The following SLIT2 variants were observed in gnomAD, a reference collection of about 807,000 sequenced individuals.
SLIT2 encodes the protein slit homolog 2 protein.
Under a neutral mutation model 185.7 loss-of-function variants are expected in SLIT2, and 41 were observed. The ratio of observed to expected loss-of-function variants is 0.22; its 90% CI spans 0.17 to 0.29. The LOEUF is 0.29. Among genes scored for constraint, SLIT2 ranks in the 10% least tolerant of loss-of-function variants. The pLI is 1.00. For synonymous variants in SLIT2, 693 were observed against 680.2 expected (o/e 1.02, Z -0.29); for missense variants, 1,571 against 1,909.0 (o/e 0.82, Z 3.30).
At position 20,589,720 on chromosome 4, in the gene SLIT2, A is replaced by C. The variant is rs1357972967; in HGVS notation, c.3165A>C (p.Leu1055=). ...GCCAGCACGATTCAAAGTGCATCCT[A>C]ACTCCAAAGGGATTCAAGTAAGTCA... The part of the protein sequence containing the change: ...NPCQHDSKCI[L]TPKGFKCDCT... Residue 1055 remains leucine (L), a synonymous_variant, in exon 30 of 37, where the codon CTA becomes CTC. Coordinates refer to ENST00000504154, the MANE Select transcript of SLIT2 (RefSeq NM_004787.4). 2 of 1,613,430 alleles carry C rather than the reference A, an allele frequency of 1.2e-6. No homozygotes were observed. The highest frequency in any genetic ancestry group is 2.2e-5 in the South Asian group (2 of 90,928).
chr4:20,296,929 A>G (rs1305902819), intron 4 of SLIT2, among the ~76,000 whole-genome samples: 1 of 152,202 alleles, frequency 6.6e-6, no homozygotes, highest in Non-Finnish European at 1.5e-5. Context: ...TTCTCTGCTA[A>G]TGCAAAGGCT....
At chr4:20,472,267 G>GATATATATATCT (rs1325464832) in intron 5 of SLIT2, among the ~76,000 whole-genome samples, 896 of 30,034 alleles carry the variant, frequency 0.03, 129 homozygotes, top group Non-Finnish European at 0.038. Context: ...TCTATATATA[G>GATATATATATCT]ATATATATCT....
At chr4:20,415,298 C>A (rs1727566902) in intron 4 of SLIT2, among the ~76,000 whole-genome samples, 1 of 150,252 alleles carries the variant, frequency 6.7e-6, no homozygotes, top group African/African-American at 2.5e-5. Context: ...GTAGTCCCAG[C>A]TACTCAGGAG....
chr4:20,273,791 C>T (rs1222001893), intron 4 of SLIT2, among the ~76,000 whole-genome samples: 1 of 152,028 alleles, frequency 6.6e-6, no homozygotes, highest in Non-Finnish European at 1.5e-5. Flanking sequence ...ACAGAGGAGC[C>T]CATGTACAAA....
chr4:20,563,473 A>C (rs955033008), intron 26 of SLIT2, among the ~76,000 whole-genome samples: 22 of 151,854 alleles, frequency 1.4e-4, no homozygotes, highest in African/African-American at 5.3e-4. Flanking sequence ...TTAAAGGTGT[A>C]CTATTATTTC....
At chr4:20,452,945 A>G (rs976972472) in intron 4 of SLIT2, among the ~76,000 whole-genome samples, 1 of 152,146 alleles carries the variant, frequency 6.6e-6, no homozygotes, top group African/African-American at 2.4e-5. Context: ...TAAAACCAGA[A>G]GTTGCCTTTC....
intron 9 of SLIT2, among the ~76,000 whole-genome samples, chr4:20,499,466 C>T (rs1404548960): frequency 5.3e-5 from 8 of 152,070 alleles, no homozygotes; most frequent in African/African-American, 9.7e-5. Context: ...CCACATATTT[C>T]AAAGTCATCT....
At chr4:20,490,652 T>C (rs1717702478) in intron 8 of SLIT2, 1 of 578,518 alleles carries the variant, frequency 1.7e-6, no homozygotes, top group Non-Finnish European at 3.0e-6. Context: ...TTTTTTCACA[T>C]GTTTTATAAC....
intron 4 of SLIT2, among the ~76,000 whole-genome samples, chr4:20,463,263 G>A (rs1713921054): frequency 6.6e-6 from 1 of 151,704 alleles, no homozygotes; most frequent in Non-Finnish European, 1.5e-5. Context: ...GTTGAAGGCT[G>A]AAAATTACCA....
At chr4:20,259,804 A>G (rs1322554043) in intron 3 of SLIT2, among the ~76,000 whole-genome samples, 1 of 151,758 alleles carries the variant, frequency 6.6e-6, no homozygotes, top group East Asian at 1.9e-4. Context: ...CTGAATGAAA[A>G]CTAATATATA....
intron 29 of SLIT2, among the ~76,000 whole-genome samples, chr4:20,574,637 A>G (rs546747192): frequency 2.0e-5 from 3 of 152,204 alleles, no homozygotes; most frequent in African/African-American, 7.2e-5. Flanking sequence ...AAATACAAAA[A>G]TGAGCAGGGC....
At chr4:20,296,331 T>A (rs1325714668) in intron 4 of SLIT2, among the ~76,000 whole-genome samples, 1 of 152,222 alleles carries the variant, frequency 6.6e-6, no homozygotes, top group African/African-American at 2.4e-5. Context: ...AAAAAAAGTT[T>A]TAAAAATGTA....
chr4:20,274,560 C>T (rs1713968525), intron 4 of SLIT2, among the ~76,000 whole-genome samples: 1 of 152,050 alleles, frequency 6.6e-6, no homozygotes, highest in Non-Finnish European at 1.5e-5. Flanking sequence ...GAGATTTTGC[C>T]AGATCTAGTG....
At chr4:20,358,983 T>C (rs906421138) in intron 4 of SLIT2, among the ~76,000 whole-genome samples, 5 of 152,228 alleles carry the variant, frequency 3.3e-5, no homozygotes, top group Non-Finnish European at 5.9e-5. Context: ...GATTGATATA[T>C]ATAATGGTAT....
chr4:20,472,349 T>C (rs1471277250), intron 5 of SLIT2, among the ~76,000 whole-genome samples: 1 of 86,780 alleles, frequency 1.2e-5, no homozygotes, highest in African/African-American at 5.0e-5. Context: ...TATATATAGA[T>C]ATAGATATCT....
chr4:20,260,261 G>A (rs1402193125), intron 3 of SLIT2, among the ~76,000 whole-genome samples: 5 of 151,818 alleles, frequency 3.3e-5, no homozygotes, highest in South Asian at 4.1e-4. Flanking sequence ...AGCTGCAAGA[G>A]ACAATGTGAG....
intron 18 of SLIT2, among the ~76,000 whole-genome samples, chr4:20,534,958 G>A (rs1158797336): frequency 6.6e-6 from 1 of 152,090 alleles, no homozygotes; most frequent in Non-Finnish European, 1.5e-5. Flanking sequence ...GGGCTAACTT[G>A]GTGCCCTTTC....
At chr4:20,304,799 A>T (rs918936696) in intron 4 of SLIT2, among the ~76,000 whole-genome samples, 1 of 151,958 alleles carries the variant, frequency 6.6e-6, no homozygotes, top group Non-Finnish European at 1.5e-5. Flanking sequence ...AAACGCAAAA[A>T]CTGCCCACTC....
At chr4:20,480,177 T>A (rs537770708) in intron 5 of SLIT2, among the ~76,000 whole-genome samples, 2 of 152,262 alleles carry the variant, frequency 1.3e-5, no homozygotes, top group East Asian at 3.9e-4. Flanking sequence ...GAGCAAGCTA[T>A]ATGGGACATC....
Sources: allele counts gnomAD v4.1 joint callset (sites outside exome capture counted in the v4.1 genomes callset), GRCh38; gene constraint gnomAD v4.1.1; transcripts MANE v1.5; gene names NCBI Gene and HGNC (gene_info 2026-07-23, HGNC 2026-07-21).